DNAH5: variants seen among roughly 807,000 people sequenced by gnomAD.
The protein encoded by DNAH5 is axonemal beta dynein heavy chain 5.
In DNAH5, 372 loss-of-function variants were observed where a neutral mutation model predicts 518.2. That is an observed-to-expected ratio of 0.72 (90% confidence interval 0.66 to 0.78). DNAH5 has a LOEUF of 0.78. Ranked by LOEUF, DNAH5 falls within the 30% of genes least tolerant of loss-of-function variation. The probability of loss-of-function intolerance (pLI) is 0.00; values close to 1 mark genes in which losing one functional copy is unlikely to be tolerated. For missense variants in DNAH5, 5,523 were observed against 5,687.0 expected (o/e 0.97, Z 0.93); for synonymous variants, 2,039 against 2,025.9 (o/e 1.01, Z -0.17).
intron 12 of DNAH5, among the ~76,000 whole-genome samples, chr5:13,904,457 A>C (rs1325042146): frequency 6.7e-6 from 1 of 148,692 alleles, no homozygotes; most frequent in African/African-American, 2.4e-5. Context: ...ATATATGTGC[A>C]TGTGAATTAT....
chr5:13,993,301 C>G (rs1389285659), intron 1 of DNAH5, among the ~76,000 whole-genome samples: 1 of 152,184 alleles, frequency 6.6e-6, no homozygotes, highest in Non-Finnish European at 1.5e-5. Flanking sequence ...GTTTTTATCA[C>G]TGTCTCTAAA....
At chr5:13,848,612 C>G (rs1172704104) in intron 31 of DNAH5, among the ~76,000 whole-genome samples, 1 of 152,186 alleles carries the variant, frequency 6.6e-6, no homozygotes, top group Admixed American at 6.5e-5. Flanking sequence ...ATGGTCCCAT[C>G]TGGAGATGAT....
rs898423384 is a variant in DNAH5 at position 13,718,911 on chromosome 5, A to C, written c.12470T>G (p.Leu4157Arg). 1.2e-6 allele frequency: 2 copies of C among 1,613,904 alleles called. No homozygotes were observed. Among genetic ancestry groups the C allele is most frequent in the African/African-American group, 2.7e-5 (2 of 74,920 alleles). Residue 4157 changes from leucine (L) to arginine (R), a missense_variant, in exon 72 of 79, where the codon CTC (leucine) becomes CGC (arginine). By Grantham distance (102) the Leu-to-Arg change is moderately radical. Transcript: ENST00000265104. The stretch of plus-strand genomic sequence containing the variant: ...ATATGTTCTTTTCAGTCCTGCCCGG[A>C]GTCCTTGTGGAGGATCGTTGGCAAA... ...IKFANDPPQGLRAGLKRTYSG... is the reference protein window; with the variant it reads ...IKFANDPPQGRRAGLKRTYSG...
intron 47 of DNAH5, among the ~76,000 whole-genome samples, chr5:13,796,907 A>C (rs887191874): frequency 6.6e-6 from 1 of 152,110 alleles, no homozygotes; most frequent in Non-Finnish European, 1.5e-5. Flanking sequence ...CACATCTACA[A>C]CCATCTGATC....
At chr5:13,747,418 A>T (rs926410345) in intron 65 of DNAH5, among the ~76,000 whole-genome samples, 2 of 152,208 alleles carry the variant, frequency 1.3e-5, no homozygotes, top group Middle Eastern at 3.4e-3. Context: ...ATGGGATGGC[A>T]GGGTCAAATG....
chr5:13,843,346 T>C (rs1561410077), intron 32 of DNAH5, among the ~76,000 whole-genome samples: 1 of 152,190 alleles, frequency 6.6e-6, no homozygotes, highest in African/African-American at 2.4e-5. Context: ...CTTTTTATCA[T>C]GTTCAGGATG....
chr5:13,894,572 T>A, intron 16 of DNAH5, 78 bp downstream of exon 16: 1 of 1,472,680 alleles, frequency 6.8e-7, no homozygotes, highest in East Asian at 2.3e-5. Context: ...TATCTCCATA[T>A]TGATAAGAAA....
At chr5:13,814,521 G>A in intron 43 of DNAH5, 84 bp downstream of exon 43, 1 of 1,394,300 alleles carries the variant, frequency 7.2e-7, no homozygotes, top group Non-Finnish European at 1.0e-6. Flanking sequence ...ACTGCCATCT[G>A]CAGAAAAATT....
chr5:13,893,595 T>G (rs2151952104), intron 16 of DNAH5, among the ~76,000 whole-genome samples: 1 of 152,242 alleles, frequency 6.6e-6, no homozygotes, highest in East Asian at 1.9e-4. Flanking sequence ...ATCTATACAA[T>G]TATAAATTAT....
chr5:13,948,702 C>A (rs1048345849), upstream of DNAH5, among the ~76,000 whole-genome samples: 1 of 151,916 alleles, frequency 6.6e-6, no homozygotes, highest in South Asian at 2.1e-4. Flanking sequence ...AGGTAGTGGG[C>A]CTTGCAGGCA....
rs151080414 is a variant in DNAH5, at chr5:13,700,794, G to T, written c.13569C>A (p.Asp4523Glu). ...CCTCTGTGGGAGGGGCAGAAATGTCGTCCTTCATCCATTTGGTGACTTCAT... is the reference window on the plus strand; with the variant it reads ...CCTCTGTGGGAGGGGCAGAAATGTCTTCCTTCATCCATTTGGTGACTTCAT... ...LCNEVTKWMK[D>E]DISAPPTEGV... Residue 4523 changes from aspartate to glutamate, a missense_variant, in exon 78 of 79, where the codon GAC (aspartate) becomes GAA (glutamate). Asp to Glu is a conservative substitution (Grantham distance 45, BLOSUM62 2). Coordinates refer to ENST00000265104, the MANE Select transcript of DNAH5 (RefSeq NM_001369.3). 2.6e-4 allele frequency: 414 copies of T among 1,614,078 alleles called. No homozygotes were observed. In the African/African-American group the frequency reaches 2.9e-3, roughly 11 times the overall value.
At position 13,842,445 on chromosome 5, in the gene DNAH5, A is replaced by AGAGAGAG. The variant is rs1561407436; in HGVS notation, c.5272-542_5272-541insCTCTCTC. On this transcript the variant is annotated intron_variant, in intron 32 of 78. Coordinates refer to ENST00000265104, the MANE Select transcript of DNAH5 (RefSeq NM_001369.3). ...AAGAAAAGAAAGAAAGAAAGAAAGA[A>AGAGAGAG]AGAAAGAAAGAAAGAAAGAAAGAAA... Among the ~76,000 whole-genome samples, 12 of 97,848 alleles carry AGAGAGAG rather than the reference A, an allele frequency of 1.2e-4. 1 individual carries two copies. Among genetic ancestry groups the AGAGAGAG allele is most frequent in the African/African-American group, 4.7e-4 (10 of 21,384 alleles). 64.2% of individuals were successfully genotyped at this position (97,848 alleles called of 152,430 possible).
chr5:13,836,426 A>G (rs1764407955), intron 35 of DNAH5, among the ~76,000 whole-genome samples: 1 of 152,176 alleles, frequency 6.6e-6, no homozygotes, highest in African/African-American at 2.4e-5. Context: ...ATGAAGAGGA[A>G]CGAGTAGGAG....
chr5:13,952,539 T>C (rs1222158069), intron 1 of DNAH5, among the ~76,000 whole-genome samples: 1 of 152,106 alleles, frequency 6.6e-6, no homozygotes, highest in African/African-American at 2.4e-5. Flanking sequence ...CCTCCACCAA[T>C]ATCACCGCAA....
At chr5:13,928,067 G>C in intron 3 of DNAH5, 27 bp downstream of exon 3, 2 of 1,559,974 alleles carry the variant, frequency 1.3e-6, no homozygotes, top group Middle Eastern at 1.7e-4. Flanking sequence ...ACACATTTCT[G>C]GGTTATGTCA....
intron 1 of DNAH5, among the ~76,000 whole-genome samples, chr5:13,993,995 G>A (rs890144355): frequency 1.4e-4 from 22 of 152,222 alleles, no homozygotes; most frequent in African/African-American, 5.3e-4. Context: ...AGGTCGGAAG[G>A]AGGAAGGCAA....
chr5:13,713,302 C>CAT (rs779405853), intron 75 of DNAH5, among the ~76,000 whole-genome samples: 12 of 142,568 alleles, frequency 8.4e-5, no homozygotes, highest in East Asian at 2.0e-4. Context: ...TATATACCGA[C>CAT]ATATATATAT....
chr5:13,985,621 C>A (rs959171359), intron 1 of DNAH5, among the ~76,000 whole-genome samples: 2 of 151,952 alleles, frequency 1.3e-5, no homozygotes, highest in African/African-American at 4.8e-5. Context: ...TTTAAGCCAA[C>A]TAAGCTTGTG....
intron 47 of DNAH5, among the ~76,000 whole-genome samples, chr5:13,797,080 C>T (rs78553366): frequency 6.6e-6 from 1 of 152,152 alleles, no homozygotes; most frequent in Admixed American, 6.6e-5. Flanking sequence ...AAATGTTAGA[C>T]CTGAAACTAT....
Sources: gnomAD v4.1 joint callset for allele counts (sites outside exome capture counted in the v4.1 genomes callset) on GRCh38, gnomAD v4.1.1 for gene constraint, MANE v1.5 for transcripts, NCBI Gene and HGNC (gene_info 2026-07-23, HGNC 2026-07-21) for gene names.